Variants in SLC27A3 observed in about 807,000 individuals in gnomAD.
SLC27A3 encodes the protein solute carrier family 27 member 3.
SLC27A3 carries 60 observed loss-of-function variants against 60.1 expected under a neutral mutation model. The ratio of observed to expected loss-of-function variants is 1.00; its 90% CI spans 0.81 to 1.24. The LOEUF (loss-of-function observed/expected upper bound fraction) is 1.24, where lower values mean the gene tolerates loss of function less well. SLC27A3 is among the 50% of genes most tolerant of loss of function. The pLI, the probability that SLC27A3 is intolerant of heterozygous loss-of-function variation, is 0.00. For missense variants in SLC27A3, 1,079 were observed against 929.9 expected (o/e 1.16, Z -2.09); for synonymous variants, 455 against 409.0 (o/e 1.11, Z -1.36).
Position 153,776,584 on chromosome 1 carries a change from C to T in SLC27A3, c.734C>T (p.Ala245Val), listed in dbSNP as rs758758310. The change falls in exon 2 of 10, where the codon GCA becomes GTA. Residue 245 changes from alanine (A) to valine (V), a missense_variant. By Grantham distance (64) the Ala-to-Val change is moderately conservative (BLOSUM62 0). Coordinates refer to ENST00000624995, the MANE Select transcript of SLC27A3 (RefSeq NM_024330.4). ...LRAMGLHLWA[A>V]GPGTHPAGIS... ...GCCATGGGGCTCCACCTGTGGGCTG[C>T]AGGCCCAGGAACCCACCCTGCTGGA... The T allele has an allele frequency of 1.2e-6, 2 of 1,614,096 alleles. No individual in the cohort carries two copies. The highest frequency in any genetic ancestry group is 2.7e-5 in the African/African-American group (2 of 74,928).
At chr1:153,776,752 C>T in intron 2 of SLC27A3, 25 bp downstream of exon 2, 3 of 1,610,860 alleles carry the variant, frequency 1.9e-6, no homozygotes, top group Non-Finnish European at 8.5e-7. Flanking sequence ...CCATACTTAG[C>T]TCCCCGAAAC....
At position 153,777,152 on chromosome 1, in the gene SLC27A3, T is replaced by G. The variant is rs1392032251; in HGVS notation, c.968T>G (p.Ile323Ser). ...TGTGGTGTCCACCAGGAAGATGTGA[T>G]CTACCTCGCCCTCCCACTCTACCAC... Reference protein sequence around the residue: ...QLCGVHQEDVIYLALPLYHMS... With the variant: ...QLCGVHQEDVSYLALPLYHMS... The change falls in exon 3 of 10, where the codon ATC becomes AGC. Residue 323 changes from isoleucine (I) to serine (S), a missense_variant. Coordinates refer to ENST00000624995, the MANE Select transcript of SLC27A3 (RefSeq NM_024330.4). 5 of 1,614,156 alleles carry G rather than the reference T, an allele frequency of 3.1e-6. No homozygotes were observed. The Admixed American group carries it at 5.0e-5, about 16-fold the overall frequency.
chr1:153,776,488 C>A (rs202183463), intron 1 of SLC27A3, 30 bp from the exon 2 acceptor site: 30 of 1,589,268 alleles, frequency 1.9e-5, no homozygotes, highest in Non-Finnish European at 2.3e-5. Context: ...AGAGCCAGGG[C>A]CCCGGCGTTG....
Position 153,777,206 on chromosome 1 carries a change from G to A in SLC27A3, c.1022G>A (p.Gly341Asp), listed in dbSNP as rs1673278234. 2.5e-6 allele frequency: 4 copies of A among 1,614,248 alleles called. No homozygotes were observed. The South Asian group carries it at 4.4e-5, about 18-fold the overall frequency. The change falls in exon 3 of 10, where the codon GGC becomes GAC. Residue 341 changes from glycine (G) to aspartate (D), a missense_variant. Gly to Asp is a moderately conservative substitution (Grantham distance 94). Coordinates refer to ENST00000624995, the MANE Select transcript of SLC27A3 (RefSeq NM_024330.4). ...TCCGGTTCCCTGCTGGGCATCGTGGGCTGCATGGGCATTGGTCAGTCTCCC... is the reference window on the plus strand; with the variant it reads ...TCCGGTTCCCTGCTGGGCATCGTGGACTGCATGGGCATTGGTCAGTCTCCC... Reference protein sequence around the residue: ...HMSGSLLGIVGCMGIGATVVL... With the variant: ...HMSGSLLGIVDCMGIGATVVL...
At position 153,780,078 on chromosome 1, in the gene SLC27A3, G is replaced by A. The variant is rs1673464014; in HGVS notation, c.*76G>A. The A allele has an allele frequency of 4.4e-6, 6 of 1,366,582 alleles. No homozygotes were observed. The highest frequency in any genetic ancestry group is 3.0e-6 in the Non-Finnish European group (3 of 999,312). 84.7% of individuals were successfully genotyped at this position (1,366,582 alleles called of 1,614,324 possible). Reference sequence around the variant, plus strand: ...CGTTGCAGGTGTACTGGGCTGTCAGGGATCTTTTCTATACCAGAACTGCGG... The same window carrying A: ...CGTTGCAGGTGTACTGGGCTGTCAGAGATCTTTTCTATACCAGAACTGCGG... On this transcript the variant is annotated 3_prime_UTR_variant, in exon 10 of 10. Transcript: ENST00000624995.
chr1:153,776,530 C>A lies in SLC27A3; in HGVS notation c.680C>A (p.Ser227Tyr), dbSNP rs1274057412. The A allele has an allele frequency of 6.2e-7, 1 of 1,613,860 alleles. No homozygotes were observed. The highest frequency in any genetic ancestry group is 1.1e-5 in the South Asian group (1 of 91,080). The change falls in exon 2 of 10, where the codon TCC becomes TAC. Residue 227 changes from serine (S) to tyrosine (Y), a missense_variant. Transcript: ENST00000624995. ...ALVLAPEFLE[S>Y]LEPDLPALRA... ...CCCACCCTTCTAGAGTTTCTGGAGT[C>A]CCTGGAGCCGGACCTGCCCGCCCTG...
rs1266153017 is a variant in SLC27A3, at chr1:153,775,560, C to T, written c.63C>T (p.His21=). 6.2e-7 allele frequency: 1 copy of T among 1,611,272 alleles called. No individual in the cohort carries two copies. Among genetic ancestry groups the T allele is most frequent in the South Asian group, 1.1e-5 (1 of 91,062 alleles). ...LLLPLLLLKL[H]LWPQLRWLPA... ...TACCGCTGCTGCTGCTGAAGCTACA[C>T]CTCTGGCCGCAGTTGCGCTGGCTTC... The change falls in exon 1 of 10, where the codon CAC becomes CAT. Residue 21 remains histidine, a synonymous_variant. Coordinates refer to ENST00000624995, the MANE Select transcript of SLC27A3 (RefSeq NM_024330.4).
chr1:153,778,039 T>C, intron 4 of SLC27A3, 122 bp from the exon 5 acceptor site: 3 of 1,453,056 alleles, frequency 2.1e-6, no homozygotes, highest in East Asian at 4.7e-5. Context: ...GGCCATCTGA[T>C]GCTTACGGCC....
At position 153,779,473 on chromosome 1, in the gene SLC27A3, G is replaced by A. The variant is rs147511607; in HGVS notation, c.1875G>A (p.Gln625=). Residue 625 remains glutamine, a splice_region_variant and synonymous_variant, in exon 9 of 10, where the codon CAG becomes CAA. Coordinates refer to ENST00000624995, the MANE Select transcript of SLC27A3 (RefSeq NM_024330.4). ...CCCGGCCCCGATTCCTCAGGCTCCAGGTAACCGGCCACTTCCCCCGCCGGC... is the reference window on the plus strand; with the variant it reads ...CCCGGCCCCGATTCCTCAGGCTCCAAGTAACCGGCCACTTCCCCCGCCGGC... ...PYARPRFLRL[Q]ESLATTETFK... 365 of 1,612,278 alleles carry A rather than the reference G, an allele frequency of 2.3e-4. 1 individual carries two copies. In the South Asian group the frequency reaches 2.4e-3, roughly 10 times the overall value.
At position 153,776,531 on chromosome 1, in the gene SLC27A3, C is replaced by T; in HGVS notation, c.681C>T (p.Ser227=). The T allele has an allele frequency of 6.2e-7, 1 of 1,613,872 alleles. No individual in the cohort carries two copies. The change falls in exon 2 of 10, where the codon TCC becomes TCT. Residue 227 remains serine, a synonymous_variant. Coordinates refer to ENST00000624995, the MANE Select transcript of SLC27A3 (RefSeq NM_024330.4). The part of the protein sequence containing the change: ...ALVLAPEFLE[S]LEPDLPALRA... ...CCACCCTTCTAGAGTTTCTGGAGTC[C>T]CTGGAGCCGGACCTGCCCGCCCTGA...
At chr1:153,777,277 G>A (rs777226937) in intron 3 of SLC27A3, 57 bp downstream of exon 3, 82 of 1,590,124 alleles carry the variant, frequency 5.2e-5, no homozygotes, top group Middle Eastern at 3.3e-4. Context: ...TATTAAGCAC[G>A]TACTATGGTG....
At position 153,779,126 on chromosome 1, in the gene SLC27A3, G is replaced by A; in HGVS notation, c.1659G>A (p.Glu553=). 6.2e-7 allele frequency: 1 copy of A among 1,614,178 alleles called. No individual in the cohort carries two copies. The change falls in exon 8 of 10, where the codon GAG becomes GAA. Residue 553 remains glutamate (E), a synonymous_variant. Coordinates refer to ENST00000624995, the MANE Select transcript of SLC27A3 (RefSeq NM_024330.4). Reference sequence around the variant, plus strand: ...TGCTCTCTGACAGGTGGAAGGGGGAGAATGTGGCCACAACCGAGGTGGCAG... The same window carrying A: ...TGCTCTCTGACAGGTGGAAGGGGGAAAATGTGGCCACAACCGAGGTGGCAG... The part of the protein sequence containing the change: ...RTGDTFRWKG[E]NVATTEVAEV...
At chr1:153,777,635 A>G (rs1037192114) in intron 3 of SLC27A3, 126 bp from the exon 4 acceptor site, 60 of 1,224,918 alleles carry the variant, frequency 4.9e-5, no homozygotes, top group Middle Eastern at 2.0e-4. Flanking sequence ...TGACGGTGTG[A>G]CTCCCACAGT....
intron 8 of SLC27A3, 66 bp downstream of exon 8, chr1:153,779,277 A>G: frequency 1.2e-6 from 2 of 1,613,752 alleles, no homozygotes; most frequent in Non-Finnish European, 1.7e-6. Flanking sequence ...ACTTGGGCGC[A>G]GGGAGCACGA....
Position 153,779,969 on chromosome 1 carries a change from C to T in SLC27A3, c.2019C>T (p.Tyr673=), listed in dbSNP as rs142046125. 1.7e-4 allele frequency: 268 copies of T among 1,613,932 alleles called. No homozygotes were observed. In the East Asian group the frequency reaches 5.9e-3, roughly 36 times the overall value. ...GAYLPLTTAR[Y]SALLAGNLRI Reference sequence around the variant, plus strand: ...ACCTGCCCCTCACAACTGCCCGGTACAGCGCCCTCCTGGCAGGAAACCTTC... The same window carrying T: ...ACCTGCCCCTCACAACTGCCCGGTATAGCGCCCTCCTGGCAGGAAACCTTC... Residue 673 remains tyrosine (Y), a synonymous_variant, in exon 10 of 10, where the codon TAC becomes TAT. Transcript: ENST00000624995.
Position 153,775,804 on chromosome 1 carries a change from G to T in SLC27A3, c.307G>T (p.Ala103Ser). Residue 103 changes from alanine to serine, a missense_variant, in exon 1 of 10, where the codon GCT becomes TCT. Coordinates refer to ENST00000624995, the MANE Select transcript of SLC27A3 (RefSeq NM_024330.4). Reference sequence around the variant, plus strand: ...AGAGGCGGAGCGCGAGAGTAACAGGGCTGCACGCGCCTTCCTACGTGCGCT... The same window carrying T: ...AGAGGCGGAGCGCGAGAGTAACAGGTCTGCACGCGCCTTCCTACGTGCGCT... ...YSEAERESNR[A>S]ARAFLRALGW... 6.7e-7 allele frequency: 1 copy of T among 1,498,568 alleles called. No homozygotes were observed. 92.8% of individuals were successfully genotyped at this position (1,498,568 alleles called of 1,614,324 possible). A position where few individuals can be genotyped will look rare whatever the true frequency, so the allele number is the denominator to read the frequency against.
In SLC27A3 at chr1:153,779,883, G is replaced by A. The variant is rs1673447832; in HGVS notation, c.1933G>A (p.Gly645Ser). 2 of 1,613,992 alleles carry A rather than the reference G, an allele frequency of 1.2e-6. No individual in the cohort carries two copies. Among genetic ancestry groups the A allele is most frequent in the South Asian group, 2.2e-5 (2 of 91,064 alleles). Residue 645 changes from glycine (G) to serine (S), a missense_variant, in exon 10 of 10, where the codon GGC (glycine) becomes AGC (serine). Coordinates refer to ENST00000624995, the MANE Select transcript of SLC27A3 (RefSeq NM_024330.4). ...KQQKVRMANE[G>S]FDPSTLSDPL... ...GCAGAAAGTTCGGATGGCAAATGAG[G>A]GCTTCGACCCCAGCACCCTGTCTGA...
At position 153,775,825 on chromosome 1, in the gene SLC27A3, G is replaced by A; in HGVS notation, c.328G>A (p.Ala110Thr). 6.7e-7 allele frequency: 1 copy of A among 1,497,104 alleles called. No individual in the cohort carries two copies. The highest frequency in any genetic ancestry group is 8.9e-7 in the Non-Finnish European group (1 of 1,127,590). The allele number at this position is 1,497,104 out of a possible 1,614,324, so 92.7% of individuals were successfully genotyped here. ...SNRAARAFLR[A>T]LGWDWGPDGG... ...CAGGGCTGCACGCGCCTTCCTACGTGCGCTAGGCTGGGACTGGGGACCCGA... is the reference window on the plus strand; with the variant it reads ...CAGGGCTGCACGCGCCTTCCTACGTACGCTAGGCTGGGACTGGGGACCCGA... Residue 110 changes from alanine to threonine, a missense_variant, in exon 1 of 10, where the codon GCG becomes ACG. By Grantham distance (58) the Ala-to-Thr change is moderately conservative. Coordinates refer to ENST00000624995, the MANE Select transcript of SLC27A3 (RefSeq NM_024330.4).
intron 3 of SLC27A3, 78 bp from the exon 4 acceptor site, chr1:153,777,683 G>GTCT: frequency 6.4e-7 from 1 of 1,551,062 alleles, no homozygotes; most frequent in Non-Finnish European, 8.9e-7. Flanking sequence ...GATGGCTGGG[G>GTCT]TCTGGAAAGA....
Sources: gnomAD v4.1 joint callset for allele counts on GRCh38, gnomAD v4.1.1 for gene constraint, MANE v1.5 for transcripts, NCBI Gene and HGNC (gene_info 2026-07-23, HGNC 2026-07-21) for gene names.